The following AKAP13 variants were observed in gnomAD, a reference collection of about 807,000 sequenced individuals.
AKAP13 encodes the protein A-kinase anchor protein 13.
A neutral mutation model predicts 264.5 loss-of-function variants in AKAP13; 80 were observed. The ratio of observed to expected loss-of-function variants is 0.30; its 90% CI spans 0.25 to 0.36. AKAP13 has a LOEUF of 0.36. Among genes scored for constraint, AKAP13 ranks in the 10% least tolerant of loss-of-function variants. The pLI, the probability that AKAP13 is intolerant of heterozygous loss-of-function variation, is 1.00. For synonymous variants in AKAP13, 1,380 were observed against 1,250.2 expected, an observed-to-expected ratio of 1.10 and a Z score of -2.19; for missense variants, 3,712 against 3,435.2, an observed-to-expected ratio of 1.08 and a Z score of -2.01.
chr15:85,427,889 T>A (rs1030949507), intron 1 of AKAP13, among the ~76,000 whole-genome samples: 5 of 152,164 alleles, frequency 3.3e-5, no homozygotes, highest in African/African-American at 1.2e-4. Flanking sequence ...GGGTAGCCTG[T>A]TAGAGAAGGC....
chr15:85,617,705 AAAG>A (rs964780913), intron 8 of AKAP13, among the ~76,000 whole-genome samples: 3 of 152,010 alleles, frequency 2.0e-5, no homozygotes, highest in Non-Finnish European at 4.4e-5. Flanking sequence ...GTGTTCAAAA[AAAG>A]AAGAAGGGCG....
chr15:85,662,394 C>T (rs1242787303), intron 12 of AKAP13: 2 of 1,614,040 alleles, frequency 1.2e-6, no homozygotes, highest in Middle Eastern at 1.6e-4. Context: ...CCAGTATGAG[C>T]TGGTGCCCCT....
At chr15:85,528,351 T>A (rs997031316) in intron 3 of AKAP13, among the ~76,000 whole-genome samples, 2 of 152,202 alleles carry the variant, frequency 1.3e-5, no homozygotes, top group African/African-American at 2.4e-5. Context: ...TTTTTTTAGT[T>A]CTATAGTGCC....
chr15:85,714,152 A>G (rs1008550568), intron 19 of AKAP13, among the ~76,000 whole-genome samples: 1 of 152,246 alleles, frequency 6.6e-6, no homozygotes, highest in Non-Finnish European at 1.5e-5. Flanking sequence ...TGTATTATAT[A>G]CTGTATTCTT....
chr15:85,686,145 C>CTGTGTGTGTGTGTGTGTGTG (rs36166313), intron 16 of AKAP13, among the ~76,000 whole-genome samples: 5 of 149,440 alleles, frequency 3.3e-5, no homozygotes, highest in African/African-American at 7.4e-5. Context: ...CAAGGAATCA[C>CTGTGTGTGTGTGTGTGTGTG]TGTGTGTGTG....
At chr15:85,663,255 A>G (rs1355119655) in intron 12 of AKAP13, among the ~76,000 whole-genome samples, 4 of 151,370 alleles carry the variant, frequency 2.6e-5, no homozygotes, top group Admixed American at 6.6e-5. Context: ...GGTAGCAGTG[A>G]GCCAAGGTCG....
intron 3 of AKAP13, among the ~76,000 whole-genome samples, chr15:85,526,834 T>C (rs535922568): frequency 1.3e-5 from 2 of 152,310 alleles, no homozygotes; most frequent in African/African-American, 4.8e-5. Flanking sequence ...GATTTTATAT[T>C]CTAGAAAACT....
At chr15:85,552,636 TTTTTTTTTTGAGACGGA>T (rs1422616600) in intron 5 of AKAP13, among the ~76,000 whole-genome samples, 2 of 148,436 alleles carry the variant, frequency 1.3e-5, no homozygotes, top group African/African-American at 4.9e-5. Flanking sequence ...GCCTTTTTTT[TTTTTTTTTTGAGACGGA>T]GTCTCGTTCT....
At chr15:85,396,001 A>G (rs539377371) in intron 1 of AKAP13, among the ~76,000 whole-genome samples, 1 of 145,886 alleles carries the variant, frequency 6.9e-6, no homozygotes, top group South Asian at 2.2e-4. Context: ...AGGATGAATG[A>G]ATTTTTGACT....
intron 2 of AKAP13, among the ~76,000 whole-genome samples, chr15:85,498,212 A>ATATATATATATATATATATAT (rs1217645309): frequency 4.2e-5 from 6 of 141,232 alleles, no homozygotes; most frequent in Non-Finnish European, 4.6e-5. Flanking sequence ...ATATATATAT[A>ATATATATATATATATATATAT]TATATATATA....
In AKAP13 at chr15:85,523,750, A is replaced by T. The variant is rs115119840; in HGVS notation, c.181+2175A>T. 3.5e-3 allele frequency among the ~76,000 whole-genome samples: 531 copies of T among 152,286 alleles called. 5 individuals carry two copies. Among genetic ancestry groups the T allele is most frequent in the African/African-American group, 0.012 (509 of 41,534 alleles). On this transcript the variant is annotated intron_variant, in intron 3 of 36. Coordinates refer to ENST00000394518, the MANE Select transcript of AKAP13 (RefSeq NM_007200.5). ...AGCTTCCCAGAAGCTGCTCTTCTAG[A>T]AAGATGTGTATGTATGTGAATACAC...
chr15:85,405,226 A>G (rs540834924), intron 1 of AKAP13, among the ~76,000 whole-genome samples: 2 of 152,234 alleles, frequency 1.3e-5, no homozygotes, highest in Non-Finnish European at 2.9e-5. Flanking sequence ...CTGTGTTCTG[A>G]ACTTATACTC....
intron 2 of AKAP13, among the ~76,000 whole-genome samples, chr15:85,490,721 C>A (rs1273651241): frequency 3.3e-5 from 5 of 152,170 alleles, no homozygotes; most frequent in Admixed American, 3.3e-4. Flanking sequence ...ATTCAGGTGC[C>A]TTCTTTGTGC....
At chr15:85,744,072 G>A (rs761013800) in intron 36 of AKAP13, 15 of 501,188 alleles carry the variant, frequency 3.0e-5, no homozygotes, top group Non-Finnish European at 3.9e-5. Context: ...TTATCCGATC[G>A]AGGAACTGGA....
In AKAP13 at chr15:85,715,931, G is replaced by T; in HGVS notation, c.5735+8G>T. ...CATACAGAACATTACTGGGTAAGTGGAGATATTTAAAGATAGCACAGTTGG... is the reference window on the plus strand; with the variant it reads ...CATACAGAACATTACTGGGTAAGTGTAGATATTTAAAGATAGCACAGTTGG... On this transcript the variant is annotated splice_region_variant and intron_variant, in intron 20 of 36. Coordinates refer to ENST00000394518, the MANE Select transcript of AKAP13 (RefSeq NM_007200.5). The T allele has an allele frequency of 6.2e-7, 1 of 1,609,920 alleles. No homozygotes were observed. Among genetic ancestry groups the T allele is most frequent in the South Asian group, 1.1e-5 (1 of 90,520 alleles).
intron 2 of AKAP13, among the ~76,000 whole-genome samples, chr15:85,513,259 C>T (rs1321906044): frequency 6.6e-6 from 1 of 152,138 alleles, no homozygotes; most frequent in African/African-American, 2.4e-5. Context: ...TCTACATTTG[C>T]TGTTAATGAT....
chr15:85,589,943 G>C (rs1335446894), intron 8 of AKAP13, among the ~76,000 whole-genome samples: 1 of 152,096 alleles, frequency 6.6e-6, no homozygotes, highest in African/African-American at 2.4e-5. Flanking sequence ...ATAGCTTTTT[G>C]ACAGCCTCTC....
chr15:85,621,215 A>G (rs2081172236), intron 8 of AKAP13: 1 of 152,230 alleles, frequency 6.6e-6, no homozygotes, highest in African/African-American at 2.4e-5. Flanking sequence ...GGCTAGACAC[A>G]AAAACCAATG....
chr15:85,442,531 T>A (rs2073740493), intron 1 of AKAP13, among the ~76,000 whole-genome samples: 3 of 129,236 alleles, frequency 2.3e-5, no homozygotes, highest in African/African-American at 8.9e-5. Context: ...ATATTATATA[T>A]AATATATATT....
Sources: gnomAD v4.1 joint callset for allele counts (sites outside exome capture counted in the v4.1 genomes callset) on GRCh38, gnomAD v4.1.1 for gene constraint, MANE v1.5 for transcripts, NCBI Gene and HGNC (gene_info 2026-07-23, HGNC 2026-07-21) for gene names.